Variants in JMJD1C observed in about 807,000 individuals in gnomAD.
JMJD1C encodes the protein jumonji domain containing 1C.
In JMJD1C, 31 loss-of-function variants were observed where a neutral mutation model predicts 245.3. The ratio of observed to expected loss-of-function variants is 0.13; its 90% CI spans 0.09 to 0.17. The LOEUF (loss-of-function observed/expected upper bound fraction) is 0.17, where lower values mean the gene tolerates loss of function less well. Among genes scored for constraint, JMJD1C ranks in the 10% least tolerant of loss-of-function variants. JMJD1C has a pLI of 1.00. For missense variants in JMJD1C, 2,691 were observed against 3,000.2 expected, an observed-to-expected ratio of 0.90 and a Z score of 2.41; for synonymous variants, 1,057 against 1,017.4, an observed-to-expected ratio of 1.04 and a Z score of -0.74.
At chr10:63,227,347 CAT>C (rs754374759) in intron 3 of JMJD1C, among the ~76,000 whole-genome samples, 13 of 152,164 alleles carry the variant, frequency 8.5e-5, no homozygotes, top group Non-Finnish European at 1.9e-4. Flanking sequence ...TTATGTCACA[CAT>C]AGTCTCATTT....
intron 2 of JMJD1C, among the ~76,000 whole-genome samples, chr10:63,308,547 C>CA (rs1172816387): frequency 6.7e-6 from 1 of 149,174 alleles, no homozygotes; most frequent in East Asian, 2.0e-4. Context: ...TTAACAAAAC[C>CA]AAGATTTGTA....
At chr10:63,392,782 GC>G (rs1948156176) in intron 1 of JMJD1C, among the ~76,000 whole-genome samples, 1 of 130,738 alleles carries the variant, frequency 7.6e-6, no homozygotes. Context: ...CCGAGATCAC[GC>G]CACTGCCCTC....
rs1589518750 is a variant in JMJD1C, at chr10:63,337,638, A to AG, written c.333+42679_333+42680insC. ...GAAAAGAAAAGAAAAAGAAAAGAAA[A>AG]AAAATCCGCTATTGTTCCTCACAGT... On this transcript the variant is annotated intron_variant, in intron 2 of 25. Coordinates refer to ENST00000399262, the MANE Select transcript of JMJD1C (RefSeq NM_032776.3). Among the ~76,000 whole-genome samples the AG allele has an allele frequency of 5.3e-5, 8 of 150,296 alleles. No individual in the cohort carries two copies. The East Asian group carries it at 5.9e-4, about 11-fold the overall frequency.
At chr10:63,249,499 C>T (rs1261500810) in intron 3 of JMJD1C, among the ~76,000 whole-genome samples, 1 of 152,160 alleles carries the variant, frequency 6.6e-6, no homozygotes, top group East Asian at 1.9e-4. Context: ...GGTGACTATA[C>T]AGCACAACAA....
In JMJD1C at chr10:63,189,213, A is replaced by G. The variant is rs1215750415; in HGVS notation, c.6525T>C (p.Asn2175=). 2 of 1,612,388 alleles carry G rather than the reference A, an allele frequency of 1.2e-6. No homozygotes were observed. The highest frequency in any genetic ancestry group is 2.2e-5 in the South Asian group (2 of 90,844). Reference sequence around the variant, plus strand: ...CTTTGAAAAGCTTCCAATTACTGCTATTCTTATAATCCTTAAGCCATAAAA... The same window carrying G: ...CTTTGAAAAGCTTCCAATTACTGCTGTTCTTATAATCCTTAAGCCATAAAA... The part of the protein sequence containing the change: ...KHILWLKDYK[N]SSNWKLFKEC... Residue 2175 remains asparagine (N), a synonymous_variant, in exon 18 of 26, where the codon AAT becomes AAC. Transcript: ENST00000399262.
At chr10:63,505,404 A>G (rs906133684) in intron 1 of JMJD1C, among the ~76,000 whole-genome samples, 3 of 151,802 alleles carry the variant, frequency 2.0e-5, no homozygotes, top group African/African-American at 7.3e-5. Flanking sequence ...AGAAGGGAGG[A>G]TGCTAAGTAA....
intron 1 of JMJD1C, among the ~76,000 whole-genome samples, chr10:63,504,522 GAAGA>G (rs1751006109): frequency 6.6e-6 from 1 of 152,190 alleles, no homozygotes; most frequent in Admixed American, 6.5e-5. Context: ...TACAGAAACA[GAAGA>G]AAGGCCAATA....
intron 3 of JMJD1C, among the ~76,000 whole-genome samples, chr10:63,249,264 TG>T (rs1314859352): frequency 2.0e-5 from 3 of 151,844 alleles, no homozygotes; most frequent in Admixed American, 1.3e-4. Flanking sequence ...TGCAGTCAGG[TG>T]AGGTTGCACC....
intron 2 of JMJD1C, among the ~76,000 whole-genome samples, chr10:63,320,212 A>T (rs1940678079): frequency 6.6e-6 from 1 of 152,134 alleles, no homozygotes; most frequent in Non-Finnish European, 1.5e-5. Context: ...AGCATATCTT[A>T]CATTTTGTAT....
At chr10:63,477,746 A>T (rs1953708689) in intron 1 of JMJD1C, among the ~76,000 whole-genome samples, 1 of 152,146 alleles carries the variant, frequency 6.6e-6, no homozygotes, top group African/African-American at 2.4e-5. Flanking sequence ...AAGATTCATA[A>T]AACTAAAAAT....
In JMJD1C at chr10:63,168,475, C is replaced by A; in HGVS notation, c.7493G>T (p.Arg2498Ile). ...VESFHLTQELRLLKEEINYDD... is the reference protein window; with the variant it reads ...VESFHLTQELILLKEEINYDD... Reference sequence around the variant, plus strand: ...ATAATTGATTTCTTCCTTCAAAAGTCTCAGTTCCTGTGTTAAATGAAATGA... The same window carrying A: ...ATAATTGATTTCTTCCTTCAAAAGTATCAGTTCCTGTGTTAAATGAAATGA... Residue 2498 changes from arginine (R) to isoleucine (I), a missense_variant, in exon 25 of 26, where the codon AGA becomes ATA. Physicochemically the swap from Arg to Ile is moderately conservative, Grantham distance 97 (BLOSUM62 -3). Coordinates refer to ENST00000399262, the MANE Select transcript of JMJD1C (RefSeq NM_032776.3). 1 of 1,610,998 alleles carries A rather than the reference C, an allele frequency of 6.2e-7. No individual in the cohort carries two copies. The highest frequency in any genetic ancestry group is 1.1e-5 in the South Asian group (1 of 90,648).
At chr10:63,485,393 T>A (rs1442921087) in intron 1 of JMJD1C, among the ~76,000 whole-genome samples, 4 of 152,080 alleles carry the variant, frequency 2.6e-5, no homozygotes, top group African/African-American at 9.7e-5. Flanking sequence ...AGTCTCCATT[T>A]CTACCTCACA....
chr10:63,457,164 C>T (rs1003200003), intron 1 of JMJD1C, among the ~76,000 whole-genome samples: 12 of 152,034 alleles, frequency 7.9e-5, no homozygotes, highest in Non-Finnish European at 1.2e-4. Context: ...AGGTTTTGAG[C>T]AAGTGGTAGT....
intron 1 of JMJD1C, among the ~76,000 whole-genome samples, chr10:63,474,502 A>G (rs1953596758): frequency 6.6e-6 from 1 of 151,288 alleles, no homozygotes; most frequent in African/African-American, 2.4e-5. Flanking sequence ...GCTGGAGTGC[A>G]GTGGTACAAT....
chr10:63,494,561 G>A (rs1954293243), intron 1 of JMJD1C, among the ~76,000 whole-genome samples: 1 of 152,068 alleles, frequency 6.6e-6, no homozygotes, highest in South Asian at 2.1e-4. Flanking sequence ...ATGAGTAAAA[G>A]TTTTAAATTG....
chr10:63,480,170 T>C (rs1953786642), intron 1 of JMJD1C, among the ~76,000 whole-genome samples: 1 of 152,090 alleles, frequency 6.6e-6, no homozygotes, highest in African/African-American at 2.4e-5. Context: ...CTGTGGCCAA[T>C]ATAAAAGGTT....
At chr10:63,356,441 A>C (rs901151469) in intron 2 of JMJD1C, among the ~76,000 whole-genome samples, 1 of 152,218 alleles carries the variant, frequency 6.6e-6, no homozygotes, top group East Asian at 1.9e-4. Context: ...ACTGAAGAAC[A>C]AAAAAGACCT....
intron 2 of JMJD1C, chr10:63,268,700 G>A (rs1299176825): frequency 1.0e-6 from 1 of 984,334 alleles, no homozygotes; most frequent in East Asian, 1.1e-4. Flanking sequence ...TTAAATCTCA[G>A]AAATCCACAA....
intron 1 of JMJD1C, among the ~76,000 whole-genome samples, chr10:63,494,746 A>C (rs905227238): frequency 5.3e-5 from 8 of 152,258 alleles, no homozygotes; most frequent in African/African-American, 1.7e-4. Context: ...CTGACAGAGA[A>C]AAACCTAAAG....
Sources: gnomAD v4.1 joint callset for allele counts (sites outside exome capture counted in the v4.1 genomes callset) on GRCh38, gnomAD v4.1.1 for gene constraint, MANE v1.5 for transcripts, NCBI Gene and HGNC (gene_info 2026-07-23, HGNC 2026-07-21) for gene names.